KIF6: variants seen among roughly 807,000 people sequenced by gnomAD.
KIF6 encodes kinesin-like protein KIF6.
In KIF6, 106 loss-of-function variants were observed where a neutral mutation model predicts 112.7. The observed-to-expected ratio is 0.94, with a 90% CI of 0.80 to 1.11. The LOEUF (loss-of-function observed/expected upper bound fraction) is 1.11. Ranked by LOEUF, KIF6 falls within the 50% of genes least tolerant of loss-of-function variation. KIF6 has a pLI of 0.00. For synonymous variants in KIF6, 339 were observed against 339.9 expected (o/e 1.00, Z 0.03); for missense variants, 929 against 964.0 (o/e 0.96, Z 0.48).
At chr6:39,556,510 G>A (rs1434036378) in intron 10 of KIF6, among the ~76,000 whole-genome samples, 1 of 152,164 alleles carries the variant, frequency 6.6e-6, no homozygotes, top group Admixed American at 6.5e-5. Flanking sequence ...TAGAGAGATA[G>A]CTACCTAGGG....
At chr6:39,357,128 T>C in intron 19 of KIF6, 149 bp downstream of exon 19, 1 of 535,862 alleles carries the variant, frequency 1.9e-6, no homozygotes, top group South Asian at 2.9e-5. Flanking sequence ...CTGTCTTGAG[T>C]ATCTACGACT....
chr6:39,467,628 T>A (rs1165544347), intron 13 of KIF6, among the ~76,000 whole-genome samples: 3 of 152,118 alleles, frequency 2.0e-5, no homozygotes, highest in Non-Finnish European at 4.4e-5. Context: ...TTCACTGAGA[T>A]AGTCCATCCA....
At chr6:39,420,732 C>T (rs949172720) in intron 14 of KIF6, among the ~76,000 whole-genome samples, 3 of 152,160 alleles carry the variant, frequency 2.0e-5, no homozygotes, top group Admixed American at 6.5e-5. Context: ...GTATCCACCC[C>T]GTCTTTTATA....
intron 18 of KIF6, among the ~76,000 whole-genome samples, chr6:39,358,366 G>T (rs1337914543): frequency 6.6e-6 from 1 of 152,200 alleles, no homozygotes; most frequent in African/African-American, 2.4e-5. Flanking sequence ...ACTGCTCAGG[G>T]GCAGCATGGA....
chr6:39,457,548 C>T (rs1209571215), intron 13 of KIF6, among the ~76,000 whole-genome samples: 2 of 151,366 alleles, frequency 1.3e-5, no homozygotes, highest in East Asian at 1.9e-4. Flanking sequence ...AACAGAGACA[C>T]AAAAAACCCT....
At chr6:39,399,227 T>C (rs891388999) in intron 15 of KIF6, among the ~76,000 whole-genome samples, 22 of 152,160 alleles carry the variant, frequency 1.4e-4, no homozygotes, top group African/African-American at 4.1e-4. Context: ...CTAATACAGA[T>C]GATGTGGATG....
rs201699128 is a variant in KIF6, at chr6:39,636,392, A to AT, written c.400-1435dup. On this transcript the variant is annotated intron_variant, in intron 4 of 22. Transcript: ENST00000287152. Reference sequence around the variant, plus strand: ...GTGACATGGACCGAATTACCAAGCAATTTTTTTTCAGCGTAATGCTGAAAA... The same window carrying AT: ...GTGACATGGACCGAATTACCAAGCAATTTTTTTTTCAGCGTAATGCTGAAAA... 9.8e-3 allele frequency among the ~76,000 whole-genome samples: 1,488 copies of AT among 151,862 alleles called. 28 individuals are homozygous for AT. The highest frequency in any genetic ancestry group is 0.034 in the African/African-American group (1,393 of 41,430).
intron 5 of KIF6, among the ~76,000 whole-genome samples, chr6:39,615,781 A>T (rs963705052): frequency 2.0e-5 from 3 of 152,172 alleles, no homozygotes; most frequent in African/African-American, 7.2e-5. Flanking sequence ...ACCTGAAGAC[A>T]CTGATGAGTC....
rs1762717957 is a variant in KIF6, at chr6:39,331,008, T to G, written c.*5524A>C. Reference sequence around the variant, plus strand: ...CCCAAATCCCCACAAGTCCCCTTTTTGCCAAGCTCCACGTCCTTTGCCTCT... The same window carrying G: ...CCCAAATCCCCACAAGTCCCCTTTTGGCCAAGCTCCACGTCCTTTGCCTCT... On this transcript the variant is annotated 3_prime_UTR_variant, in exon 23 of 23. Transcript: ENST00000287152. 1 of 152,496 alleles carries G rather than the reference T, an allele frequency of 6.6e-6. No individual in the cohort carries two copies. Among genetic ancestry groups the G allele is most frequent in the Non-Finnish European group, 1.5e-5 (1 of 68,158 alleles). 9.4% of individuals were successfully genotyped at this position (152,496 alleles called of 1,614,324 possible).
At chr6:39,560,841 G>A (rs989544862) in intron 10 of KIF6, among the ~76,000 whole-genome samples, 3 of 152,092 alleles carry the variant, frequency 2.0e-5, no homozygotes, top group African/African-American at 4.8e-5. Flanking sequence ...GCCTTTTTAG[G>A]GGCATTTTGC....
intron 13 of KIF6, among the ~76,000 whole-genome samples, chr6:39,502,608 T>G (rs1013573262): frequency 1.3e-5 from 2 of 152,124 alleles, no homozygotes; most frequent in African/African-American, 2.4e-5. Flanking sequence ...CTGCCTCACA[T>G]GCAAAGACAC....
At chr6:39,559,846 A>G (rs1314310859) in intron 10 of KIF6, among the ~76,000 whole-genome samples, 4 of 152,104 alleles carry the variant, frequency 2.6e-5, no homozygotes, top group Non-Finnish European at 5.9e-5. Context: ...AAAAAAAGGT[A>G]TAACAGCAAA....
At chr6:39,427,194 T>G (rs1770831175) in intron 14 of KIF6, among the ~76,000 whole-genome samples, 1 of 152,176 alleles carries the variant, frequency 6.6e-6, no homozygotes, top group African/African-American at 2.4e-5. Context: ...TTCCCAGAAC[T>G]GCCCATCTTC....
intron 13 of KIF6, among the ~76,000 whole-genome samples, chr6:39,502,911 C>T (rs895449718): frequency 4.6e-5 from 7 of 152,028 alleles, no homozygotes; most frequent in East Asian, 1.9e-4. Flanking sequence ...TGTAACACCC[C>T]GCTGACAATA....
intron 13 of KIF6, among the ~76,000 whole-genome samples, chr6:39,512,121 G>T (rs1214209352): frequency 1.3e-5 from 2 of 152,106 alleles, no homozygotes; most frequent in African/African-American, 4.8e-5. Context: ...ATTGATAACC[G>T]ATGGACTACA....
rs1783260953 is a variant in KIF6, at chr6:39,612,339, A to C, written c.639+850T>G. 2.6e-5 allele frequency among the ~76,000 whole-genome samples: 4 copies of C among 152,190 alleles called. No individual in the cohort carries two copies. In the South Asian group the frequency reaches 6.2e-4, roughly 24 times the overall value. ...AAGGGTGGTTTAAAAAGAAAATGCC[A>C]GTGAAAACAGTAAGCTGTTCATTTG... On this transcript the variant is annotated intron_variant, in intron 6 of 22. Transcript: ENST00000287152.
intron 16 of KIF6, among the ~76,000 whole-genome samples, chr6:39,366,500 T>C (rs1327246771): frequency 2.6e-5 from 4 of 151,938 alleles, no homozygotes; most frequent in Admixed American, 6.6e-5. Flanking sequence ...GAAGGTGCTA[T>C]GAGGAAAGAC....
chr6:39,554,247 G>C (rs1314790553), intron 10 of KIF6: 3 of 153,376 alleles, frequency 2.0e-5, no homozygotes, highest in Non-Finnish European at 4.4e-5. Context: ...TAGAGGCTTT[G>C]CTGGAGACAC....
chr6:39,517,711 T>C (rs1321850449), intron 13 of KIF6, among the ~76,000 whole-genome samples: 2 of 152,186 alleles, frequency 1.3e-5, no homozygotes, highest in East Asian at 1.9e-4. Context: ...ATAAAATGAA[T>C]ATGATAATCA....
Sources: gnomAD v4.1 joint callset for allele counts (sites outside exome capture counted in the v4.1 genomes callset) on GRCh38, gnomAD v4.1.1 for gene constraint, MANE v1.5 for transcripts, NCBI Gene and HGNC (gene_info 2026-07-23, HGNC 2026-07-21) for gene names.